ST7: variants seen among roughly 807,000 people sequenced by gnomAD.
ST7 encodes the protein suppression of tumorigenicity 7, also known as suppressor of tumorigenicity 7 protein.
In ST7, 28 loss-of-function variants were observed where a neutral mutation model predicts 78.7. The observed-to-expected ratio is 0.36, with a 90% CI of 0.26 to 0.49. ST7 has a LOEUF of 0.49. Among genes scored for constraint, ST7 ranks in the 20% least tolerant of loss-of-function variants. ST7 has a pLI of 0.99. For synonymous variants in ST7, 247 were observed against 249.6 expected (o/e 0.99, Z 0.10); for missense variants, 418 against 696.0 (o/e 0.60, Z 4.49).
rs148295480 is a variant in ST7, at chr7:117,070,580, C to A, written c.152-29182C>A. 3.7e-3 allele frequency among the ~76,000 whole-genome samples: 566 copies of A among 152,266 alleles called. 4 individuals are homozygous for A. The highest frequency in any genetic ancestry group is 0.013 in the African/African-American group (545 of 41,560). On this transcript the variant is annotated intron_variant, in intron 1 of 15. Coordinates refer to ENST00000323984, the MANE Select transcript of ST7 (RefSeq NM_001369598.1). The stretch of plus-strand genomic sequence containing the variant: ...GTTTTTGAGACAAGTCTTGCTCTAT[C>A]GCCCAGGCTGGATGCAGTGGCGCGA...
intron 1 of ST7, among the ~76,000 whole-genome samples, chr7:116,995,819 G>A (rs962058041): frequency 6.6e-5 from 10 of 152,236 alleles, no homozygotes; most frequent in African/African-American, 9.6e-5. Context: ...AGTTGAAAAC[G>A]TCAATTTTTA....
chr7:117,025,667 G>A (rs1796149605), intron 1 of ST7, among the ~76,000 whole-genome samples: 3 of 152,102 alleles, frequency 2.0e-5, no homozygotes, highest in Admixed American at 1.3e-4. Context: ...TGGATTATAG[G>A]CATTATACTG....
intron 1 of ST7, among the ~76,000 whole-genome samples, chr7:117,010,162 A>G (rs1161103563): frequency 6.6e-6 from 1 of 152,230 alleles, no homozygotes; most frequent in African/African-American, 2.4e-5. Flanking sequence ...GCTAGTAACT[A>G]GTCTGGTTAG....
chr7:117,084,319 G>A (rs112693015), intron 1 of ST7, among the ~76,000 whole-genome samples: 28 of 152,276 alleles, frequency 1.8e-4, no homozygotes, highest in African/African-American at 6.7e-4. Context: ...AGACAGGTTG[G>A]GGGGATATGA....
chr7:117,070,129 G>A (rs541896139), intron 1 of ST7, among the ~76,000 whole-genome samples: 2 of 152,276 alleles, frequency 1.3e-5, no homozygotes, highest in South Asian at 2.1e-4. Flanking sequence ...CTTTGAAATG[G>A]ACCTGATAGA....
intron 8 of ST7, 63 bp downstream of exon 8, chr7:117,136,298 A>G (rs764704502): frequency 4.7e-5 from 75 of 1,591,622 alleles, no homozygotes; most frequent in Non-Finnish European, 6.4e-5. Context: ...TAATCAGAGC[A>G]AATTTTTAGT....
intron 2 of ST7, among the ~76,000 whole-genome samples, chr7:117,101,528 A>G (rs1801567920): frequency 6.6e-6 from 1 of 152,218 alleles, no homozygotes; most frequent in East Asian, 1.9e-4. Flanking sequence ...CTTAGGAGCA[A>G]CCAACCAACT....
intron 13 of ST7, among the ~76,000 whole-genome samples, chr7:117,214,717 T>C (rs987469120): frequency 2.6e-5 from 4 of 152,068 alleles, no homozygotes; most frequent in African/African-American, 9.7e-5. Flanking sequence ...CTTTCCTTTA[T>C]TCCGTCTCGG....
intron 1 of ST7, among the ~76,000 whole-genome samples, chr7:117,033,833 T>A (rs1225311788): frequency 6.6e-6 from 1 of 152,226 alleles, no homozygotes; most frequent in African/African-American, 2.4e-5. Context: ...TTCTACTAGC[T>A]GCACGACCTT....
chr7:116,975,326 G>C (rs138453583), intron 1 of ST7, among the ~76,000 whole-genome samples: 2 of 152,300 alleles, frequency 1.3e-5, no homozygotes, highest in East Asian at 3.9e-4. Flanking sequence ...CATGACACAT[G>C]AGGATTATGG....
At chr7:117,129,891 A>T in intron 4 of ST7, 44 bp downstream of exon 4, 1 of 1,534,108 alleles carries the variant, frequency 6.5e-7, no homozygotes, top group Non-Finnish European at 9.0e-7. Context: ...TCTGGTTCAG[A>T]GAGCAAAGAC....
chr7:116,975,018 T>G (rs1052384840), intron 1 of ST7, among the ~76,000 whole-genome samples: 10 of 152,202 alleles, frequency 6.6e-5, no homozygotes, highest in Admixed American at 3.9e-4. Context: ...CATATTTTAG[T>G]TAGGCTATTG....
At chr7:117,208,627 C>T (rs1300336103) in intron 12 of ST7, among the ~76,000 whole-genome samples, 1 of 152,138 alleles carries the variant, frequency 6.6e-6, no homozygotes, top group African/African-American at 2.4e-5. Context: ...GGTACAAATC[C>T]TCAACTAGAT....
intron 1 of ST7, among the ~76,000 whole-genome samples, chr7:116,958,162 A>ATTTTT (rs34132237): frequency 4.8e-3 from 456 of 95,540 alleles, no homozygotes; most frequent in Non-Finnish European, 5.6e-3. Flanking sequence ...TGCGTGGCTA[A>ATTTTT]TTTTTTTTTT....
intron 2 of ST7, among the ~76,000 whole-genome samples, chr7:117,113,254 G>A (rs2116895744): frequency 1.3e-5 from 2 of 152,348 alleles, no homozygotes; most frequent in East Asian, 3.9e-4. Flanking sequence ...TAAGGATGGA[G>A]TGAAGACTAG....
chr7:117,116,857 A>G (rs1156338730), intron 2 of ST7, among the ~76,000 whole-genome samples: 1 of 152,230 alleles, frequency 6.6e-6, no homozygotes, highest in Non-Finnish European at 1.5e-5. Flanking sequence ...ATGTCCAGTT[A>G]ATATGAGTCA....
intron 2 of ST7, among the ~76,000 whole-genome samples, chr7:117,114,102 G>GC (rs1802654482): frequency 6.6e-6 from 1 of 152,072 alleles, no homozygotes; most frequent in Non-Finnish European, 1.5e-5. Flanking sequence ...AGTTTACATA[G>GC]CCCCCGCAAC....
chr7:117,027,468 T>TAAAAGTA lies in ST7; in HGVS notation c.152-72291_152-72290insAGTAAAA, dbSNP rs778094133. Reference sequence around the variant, plus strand: ...AGTGAAAAGTAAAGTAAAGTAAAAGTAAAGTAAAGTAAAGTAAAGTAAAGT... The same window carrying TAAAAGTA: ...AGTGAAAAGTAAAGTAAAGTAAAAGTAAAAGTAAAAGTAAAGTAAAGTAAAGTAAAGT... On this transcript the variant is annotated intron_variant, in intron 1 of 15. Transcript: ENST00000323984. 2.3e-3 allele frequency among the ~76,000 whole-genome samples: 306 copies of TAAAAGTA among 134,722 alleles called. 5 individuals are homozygous for TAAAAGTA. Among genetic ancestry groups the TAAAAGTA allele is most frequent in the African/African-American group, 0.01 (268 of 26,528 alleles). The allele number at this position is 134,722 out of a possible 152,430, so 88.4% of individuals were successfully genotyped here.
chr7:117,080,820 C>G (rs1563065812), intron 1 of ST7: 1 of 152,054 alleles, frequency 6.6e-6, no homozygotes, highest in Admixed American at 6.5e-5. Context: ...TAATAATCAC[C>G]ATATTTGTGC....
Sources: allele counts gnomAD v4.1 joint callset (sites outside exome capture counted in the v4.1 genomes callset), GRCh38; gene constraint gnomAD v4.1.1; transcripts MANE v1.5; gene names NCBI Gene and HGNC (gene_info 2026-07-23, HGNC 2026-07-21).